SMIM43: variants seen among roughly 807,000 people sequenced by gnomAD.
SMIM43 encodes the protein small integral membrane protein 43.
chr4:121,762,918 C>T (rs1457607283), intron 2 of SMIM43, 120 bp from the exon 3 acceptor site: 13 of 152,220 alleles, frequency 8.5e-5, no homozygotes, highest in African/African-American at 3.1e-4. Context: ...ACTATAATTG[C>T]TAATTAATTA....
Position 121,760,031 on chromosome 4 carries a change from C to G in SMIM43, c.*943G>C. 3.2e-6 allele frequency: 1 copy of G among 316,656 alleles called. No homozygotes were observed. Among genetic ancestry groups the G allele is most frequent in the Non-Finnish European group, 5.6e-6 (1 of 178,192 alleles). The allele number at this position is 316,656 out of a possible 1,614,324, so 19.6% of individuals were successfully genotyped here. Reference sequence around the variant, plus strand: ...ATTGACTGAGAGAGGTCAGCCCTGTCAAGAGTTTTGTGAGAACACCTGACA... The same window carrying G: ...ATTGACTGAGAGAGGTCAGCCCTGTGAAGAGTTTTGTGAGAACACCTGACA... On this transcript the variant is annotated 3_prime_UTR_variant, in exon 6 of 6. Transcript: ENST00000643802.
chr4:121,761,545 C>A lies in SMIM43; in HGVS notation c.*492G>T. The A allele has an allele frequency of 6.3e-7, 1 of 1,596,890 alleles. No homozygotes were observed. The highest frequency in any genetic ancestry group is 1.1e-5 in the South Asian group (1 of 87,240). On this transcript the variant is annotated 3_prime_UTR_variant, in exon 5 of 6. Coordinates refer to ENST00000643802, the MANE Select transcript of SMIM43 (RefSeq NM_001384332.1). ...TTCATATTTTTTACTCACCTAGTTC[C>A]AAGTTTCCACCCCTGCAAGCGAACC...
In SMIM43 at chr4:121,761,817, C is replaced by A; in HGVS notation, c.*341+13G>T. Reference sequence around the variant, plus strand: ...TATCTTGCCAAGTAGAACTGCAGATCCATTGCACTTACAAGTTTGGAAATT... The same window carrying A: ...TATCTTGCCAAGTAGAACTGCAGATACATTGCACTTACAAGTTTGGAAATT... On this transcript the variant is annotated intron_variant, in intron 4 of 5. Coordinates refer to ENST00000643802, the MANE Select transcript of SMIM43 (RefSeq NM_001384332.1). 1 of 1,612,990 alleles carries A rather than the reference C, an allele frequency of 6.2e-7. No homozygotes were observed. Among genetic ancestry groups the A allele is most frequent in the Non-Finnish European group, 8.5e-7 (1 of 1,179,396 alleles).
rs984395439 is a variant in SMIM43 at position 121,765,150 on chromosome 4, C to G, written c.-45G>C. ...GCTGGCCCTGCGCGCTCGGCGCGGG[C>G]TGCAGCTGGAGGGCGAGCGCGCCGC... On this transcript the variant is annotated 5_prime_UTR_variant, in exon 1 of 6. Coordinates refer to ENST00000643802, the MANE Select transcript of SMIM43 (RefSeq NM_001384332.1). 1.5e-5 allele frequency: 6 copies of G among 394,734 alleles called. No individual in the cohort carries two copies. The highest frequency in any genetic ancestry group is 2.7e-5 in the Non-Finnish European group (6 of 223,582). The allele number at this position is 394,734 out of a possible 1,614,324, so 24.5% of individuals were successfully genotyped here.
At chr4:121,763,294 A>T (rs1262101128) in intron 2 of SMIM43, among the ~76,000 whole-genome samples, 1 of 152,212 alleles carries the variant, frequency 6.6e-6, no homozygotes, top group East Asian at 1.9e-4. Context: ...TTATATTATC[A>T]ACTTAGGCAA....
At position 121,760,124 on chromosome 4, in the gene SMIM43, A is replaced by C; in HGVS notation, c.*850T>G. 9.9e-7 allele frequency: 1 copy of C among 1,011,218 alleles called. No individual in the cohort carries two copies. Among genetic ancestry groups the C allele is most frequent in the East Asian group, 2.7e-5 (1 of 37,380 alleles). The allele number at this position is 1,011,218 out of a possible 1,614,324, so 62.6% of individuals were successfully genotyped here. On this transcript the variant is annotated 3_prime_UTR_variant, in exon 6 of 6. Coordinates refer to ENST00000643802, the MANE Select transcript of SMIM43 (RefSeq NM_001384332.1). ...TTGGAGCTTTGACAGTTGTGAAGGA[A>C]CTAGAGTTTTGATCTTTTTGAACTT...
intron 3 of SMIM43, 134 bp downstream of exon 3, chr4:121,762,593 G>A (rs1726128581): frequency 6.6e-6 from 1 of 152,118 alleles, no homozygotes; most frequent in Non-Finnish European, 1.5e-5. Context: ...GGTCATTAAT[G>A]AATTTGATTA....
chr4:121,761,516 G>A (rs1164345798), intron 5 of SMIM43, 22 bp downstream of exon 5: 1 of 1,558,596 alleles, frequency 6.4e-7, no homozygotes, highest in Admixed American at 2.0e-5. Context: ...TAAAAATAGA[G>A]TATTTCATAT....
At position 121,760,413 on chromosome 4, in the gene SMIM43, C is replaced by A; in HGVS notation, c.*561G>T. The A allele has an allele frequency of 1.3e-6, 2 of 1,570,614 alleles. No individual in the cohort carries two copies. The highest frequency in any genetic ancestry group is 1.7e-6 in the Non-Finnish European group (2 of 1,156,684). Reference sequence around the variant, plus strand: ...AGGAAGTGGATTTGAACTGGCATGCCCCGTTTTCTCTGTGGGCTTCCTCCT... The same window carrying A: ...AGGAAGTGGATTTGAACTGGCATGCACCGTTTTCTCTGTGGGCTTCCTCCT... On this transcript the variant is annotated 3_prime_UTR_variant, in exon 6 of 6. Coordinates refer to ENST00000643802, the MANE Select transcript of SMIM43 (RefSeq NM_001384332.1).
At position 121,765,159 on chromosome 4, in the gene SMIM43, G is replaced by A. The variant is rs892507484; in HGVS notation, c.-54C>T. ...GCGCGCTCGGCGCGGGCTGCAGCTG[G>A]AGGGCGAGCGCGCCGCCCGCACACC... On this transcript the variant is annotated 5_prime_UTR_variant, in exon 1 of 6. Coordinates refer to ENST00000643802, the MANE Select transcript of SMIM43 (RefSeq NM_001384332.1). 11 of 393,294 alleles carry A rather than the reference G, an allele frequency of 2.8e-5. No homozygotes were observed. Among genetic ancestry groups the A allele is most frequent in the Non-Finnish European group, 4.0e-5 (9 of 222,694 alleles). The allele number at this position is 393,294 out of a possible 1,614,324, so 24.4% of individuals were successfully genotyped here.
rs1726053547 is a variant in SMIM43, at chr4:121,761,400, A to G, written c.*499+138T>C. 6.7e-6 allele frequency: 5 copies of G among 742,538 alleles called. No homozygotes were observed. In the Admixed American group the frequency reaches 1.6e-4, roughly 23 times the overall value. The allele number at this position is 742,538 out of a possible 1,614,324, so 46.0% of individuals were successfully genotyped here. ...ACAACAAACATTTCCCACTATTCTAAATGGTTTAACCATTTACAAACTTTA... is the reference window on the plus strand; with the variant it reads ...ACAACAAACATTTCCCACTATTCTAGATGGTTTAACCATTTACAAACTTTA... On this transcript the variant is annotated intron_variant, in intron 5 of 5. Transcript: ENST00000643802.
At chr4:121,762,566 T>A (rs1392053015) in intron 3 of SMIM43, 161 bp downstream of exon 3, 1 of 152,132 alleles carries the variant, frequency 6.6e-6, no homozygotes. Flanking sequence ...CATTGTGGCC[T>A]GGATAAATGG....
rs1028634131 is a variant in SMIM43, at chr4:121,760,135, G to T, written c.*839C>A. The T allele has an allele frequency of 1.7e-6, 2 of 1,167,582 alleles. No homozygotes were observed. The highest frequency in any genetic ancestry group is 2.5e-4 in the Middle Eastern group (1 of 4,074). 72.3% of individuals were successfully genotyped at this position (1,167,582 alleles called of 1,614,324 possible). Reference sequence around the variant, plus strand: ...ACAGTTGTGAAGGAACTAGAGTTTTGATCTTTTTGAACTTTATGCTCCTCT... The same window carrying T: ...ACAGTTGTGAAGGAACTAGAGTTTTTATCTTTTTGAACTTTATGCTCCTCT... On this transcript the variant is annotated 3_prime_UTR_variant, in exon 6 of 6. Transcript: ENST00000643802.
At position 121,764,936 on chromosome 4, in the gene SMIM43, A is replaced by G. The variant is rs1283931685; in HGVS notation, c.170T>C (p.Phe57Ser). Residue 57 changes from phenylalanine to serine, a missense_variant, in exon 1 of 6, where the codon TTC becomes TCC. By Grantham distance (155) the Phe-to-Ser change is radical. Coordinates refer to ENST00000643802, the MANE Select transcript of SMIM43 (RefSeq NM_001384332.1). ...RLSVHREPWGFSREQAV is the reference protein window; with the variant it reads ...RLSVHREPWGSSREQAV ...GGGTCACACCGCTTGCTCTCGGGAG[A>G]AGCCCCAAGGCTCGCGGTGCACCGA... 2.5e-6 allele frequency: 1 copy of G among 398,304 alleles called. No individual in the cohort carries two copies. Among genetic ancestry groups the G allele is most frequent in the Non-Finnish European group, 4.4e-6 (1 of 225,670 alleles). 24.7% of individuals were successfully genotyped at this position (398,304 alleles called of 1,614,324 possible).
chr4:121,764,761 G>A (rs71631407), intron 1 of SMIM43, 56 bp downstream of exon 1: 2 of 394,370 alleles, frequency 5.1e-6, no homozygotes, highest in Non-Finnish European at 8.9e-6. Context: ...GAGCGGAGAC[G>A]CGGGTCCCTG....
At position 121,760,059 on chromosome 4, in the gene SMIM43, C is replaced by T; in HGVS notation, c.*915G>A. ...GAGTTTTGTGAGAACACCTGACATGCCTTCACTCTGCTCACTCTGTCAGAG... is the reference window on the plus strand; with the variant it reads ...GAGTTTTGTGAGAACACCTGACATGTCTTCACTCTGCTCACTCTGTCAGAG... On this transcript the variant is annotated 3_prime_UTR_variant, in exon 6 of 6. Coordinates refer to ENST00000643802, the MANE Select transcript of SMIM43 (RefSeq NM_001384332.1). 2.4e-6 allele frequency: 1 copy of T among 417,266 alleles called. No individual in the cohort carries two copies. The highest frequency in any genetic ancestry group is 4.0e-6 in the Non-Finnish European group (1 of 250,096). 25.8% of individuals were successfully genotyped at this position (417,266 alleles called of 1,614,324 possible). A position where few individuals can be genotyped will look rare whatever the true frequency, so the allele number is the denominator to read the frequency against.
intron 1 of SMIM43, chr4:121,764,543 T>C (rs1726246257): frequency 5.2e-6 from 1 of 193,924 alleles, no homozygotes; most frequent in African/African-American, 2.3e-5. Context: ...TTTCCACTCC[T>C]TGGGTATAAC....
At chr4:121,760,577 G>C in intron 5 of SMIM43, 103 bp from the exon 6 acceptor site, 1 of 1,402,018 alleles carries the variant, frequency 7.1e-7, no homozygotes, top group Non-Finnish European at 9.3e-7. Flanking sequence ...TAACCTCCTT[G>C]TTCTGTGAGA....
chr4:121,762,817 T>C lies in SMIM43; in HGVS notation c.*207-19A>G, dbSNP rs1726141824. 1 of 152,202 alleles carries C rather than the reference T, an allele frequency of 6.6e-6. No homozygotes were observed. The highest frequency in any genetic ancestry group is 2.4e-5 in the African/African-American group (1 of 41,458). 9.4% of individuals were successfully genotyped at this position (152,202 alleles called of 1,614,324 possible). On this transcript the variant is annotated intron_variant, in intron 2 of 5. Coordinates refer to ENST00000643802, the MANE Select transcript of SMIM43 (RefSeq NM_001384332.1). ...GGTGCTGCTAGGAAGATTAAAGGAT[T>C]GTAAACTCAAGAAGGCAAGCATGTG... is the stretch of plus-strand genomic sequence containing the variant.
Sources: gnomAD v4.1 joint callset for allele counts (sites outside exome capture counted in the v4.1 genomes callset) on GRCh38, gnomAD v4.1.1 for gene constraint, MANE v1.5 for transcripts, NCBI Gene and HGNC (gene_info 2026-07-23, HGNC 2026-07-21) for gene names.